LTBP1: variants seen among roughly 807,000 people sequenced by gnomAD.
The protein encoded by LTBP1 is latent transforming growth factor beta binding protein 1, also known as latent-transforming growth factor beta-binding protein 1.
In LTBP1, 129 loss-of-function variants were observed where a neutral mutation model predicts 207.6. That is an observed-to-expected ratio of 0.62 (90% confidence interval 0.54 to 0.72). LTBP1 has a LOEUF of 0.72. LTBP1 is among the 30% of genes least tolerant of loss of function. The pLI is 0.00. For missense variants in LTBP1, 2,281 were observed against 2,217.2 expected (o/e 1.03, Z -0.58); for synonymous variants, 963 against 833.7 (o/e 1.16, Z -2.67).
intron 32 of LTBP1, among the ~76,000 whole-genome samples, chr2:33,391,734 A>C (rs1336513631): frequency 6.6e-6 from 1 of 152,234 alleles, no homozygotes; most frequent in East Asian, 1.9e-4. Context: ...TTTGGATTCC[A>C]GGAATTTTCA....
At position 33,027,470 on chromosome 2, in the gene LTBP1, C is replaced by T. The variant is rs114757995; in HGVS notation, c.863+6264C>T. ...AGATCTCTGTAACTTACTCATCCCA[C>T]GTAACTAACATTTTATACCCTTTGA... On this transcript the variant is annotated intron_variant, in intron 3 of 33. Coordinates refer to ENST00000404816, the MANE Select transcript of LTBP1 (RefSeq NM_206943.4). Among the ~76,000 whole-genome samples the T allele has an allele frequency of 6.9e-3, 1,058 of 152,244 alleles. 14 individuals carry two copies. The highest frequency in any genetic ancestry group is 0.024 in the African/African-American group (997 of 41,530).
At chr2:33,314,334 G>A (rs2094232795) in intron 23 of LTBP1, among the ~76,000 whole-genome samples, 1 of 152,150 alleles carries the variant, frequency 6.6e-6, no homozygotes, top group Middle Eastern at 3.2e-3. Context: ...AGGATCACTT[G>A]AGGCCAGGAG....
intron 5 of LTBP1, among the ~76,000 whole-genome samples, chr2:33,177,956 G>T (rs1305478955): frequency 2.0e-5 from 3 of 152,132 alleles, no homozygotes. Context: ...GCCCTTGCTT[G>T]CTTACCTGCA....
intron 26 of LTBP1, among the ~76,000 whole-genome samples, chr2:33,352,120 C>CTATTTATT (rs1330104208): frequency 6.6e-6 from 1 of 151,842 alleles, no homozygotes; most frequent in Non-Finnish European, 1.5e-5. Context: ...CTCCTTGTGT[C>CTATTTATT]TATTTATTTA....
intron 2 of LTBP1, among the ~76,000 whole-genome samples, chr2:33,018,451 A>C (rs768195307): frequency 3.9e-5 from 6 of 152,292 alleles, no homozygotes; most frequent in South Asian, 4.1e-4. Flanking sequence ...AAGCATGATG[A>C]GAAGGCACAC....
At chr2:33,213,882 C>T (rs960682150) in intron 7 of LTBP1, among the ~76,000 whole-genome samples, 13 of 152,194 alleles carry the variant, frequency 8.5e-5, no homozygotes, top group African/African-American at 3.1e-4. Flanking sequence ...CTGCTCTTGG[C>T]TGTGGACCTG....
intron 2 of LTBP1, among the ~76,000 whole-genome samples, chr2:32,949,628 GTTC>G (rs1183863590): frequency 2.0e-5 from 3 of 152,176 alleles, no homozygotes; most frequent in Admixed American, 6.5e-5. Flanking sequence ...GTATTTTGAG[GTTC>G]TTCTTGACGA....
At chr2:33,299,834 AG>A (rs1295122117) in intron 20 of LTBP1, among the ~76,000 whole-genome samples, 1 of 152,188 alleles carries the variant, frequency 6.6e-6, no homozygotes, top group Non-Finnish European at 1.5e-5. Flanking sequence ...TTTCTCAGTT[AG>A]TGATTTTATC....
chr2:33,356,261 A>G (rs531354966), intron 26 of LTBP1, among the ~76,000 whole-genome samples: 2 of 152,370 alleles, frequency 1.3e-5, no homozygotes, highest in East Asian at 3.8e-4. Flanking sequence ...AGGGGTCAGC[A>G]TCTGGTTGTC....
At chr2:33,179,851 C>T (rs1364057175) in intron 5 of LTBP1, among the ~76,000 whole-genome samples, 1 of 152,076 alleles carries the variant, frequency 6.6e-6, no homozygotes, top group South Asian at 2.1e-4. Context: ...CATTTATATT[C>T]TTTGTGTTTA....
chr2:33,037,760 C>T (rs1402437385), intron 3 of LTBP1, among the ~76,000 whole-genome samples: 2 of 152,168 alleles, frequency 1.3e-5, no homozygotes, highest in Non-Finnish European at 2.9e-5. Context: ...CTCTGTCGCT[C>T]AGGCTAGAGT....
chr2:33,156,420 C>T (rs115044113), intron 5 of LTBP1, among the ~76,000 whole-genome samples: 6 of 152,082 alleles, frequency 3.9e-5, no homozygotes, highest in Admixed American at 6.5e-5. Flanking sequence ...TTTCTTCCAT[C>T]GCATCTGACT....
intron 23 of LTBP1, among the ~76,000 whole-genome samples, chr2:33,312,293 A>G (rs548956093): frequency 1.7e-4 from 26 of 152,274 alleles, no homozygotes; most frequent in African/African-American, 5.8e-4. Flanking sequence ...TAAACTTTAA[A>G]CCTTACCTAA....
At chr2:32,993,911 C>G (rs1196908282) in intron 2 of LTBP1, among the ~76,000 whole-genome samples, 1 of 151,350 alleles carries the variant, frequency 6.6e-6, no homozygotes, top group Non-Finnish European at 1.5e-5. Context: ...TATCCCAGGC[C>G]GGGACCTCTG....
intron 7 of LTBP1, among the ~76,000 whole-genome samples, chr2:33,199,558 C>T (rs1285661347): frequency 6.6e-6 from 1 of 152,280 alleles, no homozygotes; most frequent in African/African-American, 2.4e-5. Context: ...CCTTTGAAAA[C>T]TGGCACAAGA....
intron 7 of LTBP1, among the ~76,000 whole-genome samples, chr2:33,212,127 T>C (rs2090355368): frequency 6.6e-6 from 1 of 152,254 alleles, no homozygotes; most frequent in Non-Finnish European, 1.5e-5. Context: ...GGAATAATTG[T>C]AATGATTCTT....
At chr2:33,338,574 A>C (rs909684419) in intron 24 of LTBP1, among the ~76,000 whole-genome samples, 3 of 147,136 alleles carry the variant, frequency 2.0e-5, no homozygotes, top group Non-Finnish European at 4.6e-5. Context: ...GTGGCACAAA[A>C]TGCTCTGGGA....
rs966929758 is a variant in LTBP1, at chr2:33,389,068, A to G, written c.4712-116A>G. 14 of 1,410,112 alleles carry G rather than the reference A, an allele frequency of 9.9e-6. No individual in the cohort carries two copies. In the Admixed American group the frequency reaches 1.5e-4, roughly 15 times the overall value. The allele number at this position is 1,410,112 out of a possible 1,614,324, so 87.3% of individuals were successfully genotyped here. The stretch of plus-strand genomic sequence containing the variant: ...TTCCAGGCTCAGTGGTACGCAGGAG[A>G]TGGAGACACACGTGGAAGGGTGTGC... On this transcript the variant is annotated intron_variant, in intron 31 of 33. Coordinates refer to ENST00000404816, the MANE Select transcript of LTBP1 (RefSeq NM_206943.4).
At chr2:32,949,228 G>GC (rs1676741162) in intron 2 of LTBP1, among the ~76,000 whole-genome samples, 1 of 152,140 alleles carries the variant, frequency 6.6e-6, no homozygotes, top group South Asian at 2.1e-4. Context: ...TCAGGAGCTA[G>GC]GAAAAAAATT....
Sources: allele counts gnomAD v4.1 joint callset (sites outside exome capture counted in the v4.1 genomes callset), GRCh38; gene constraint gnomAD v4.1.1; transcripts MANE v1.5; gene names NCBI Gene and HGNC (gene_info 2026-07-23, HGNC 2026-07-21).